Variants in RPTOR observed in about 807,000 individuals in gnomAD.
RPTOR encodes regulatory-associated protein of mTOR.
Under a neutral mutation model 169.9 loss-of-function variants are expected in RPTOR, and 21 were observed. The observed-to-expected ratio is 0.12, with a 90% CI of 0.09 to 0.18. The LOEUF (loss-of-function observed/expected upper bound fraction) is 0.18, where lower values mean the gene tolerates loss of function less well. Among genes scored for constraint, RPTOR ranks in the 10% least tolerant of loss-of-function variants. RPTOR has a pLI of 1.00. For synonymous variants in RPTOR, 732 were observed against 753.2 expected, an observed-to-expected ratio of 0.97 and a Z score of 0.46; for missense variants, 1,133 against 1,855.9, an observed-to-expected ratio of 0.61 and a Z score of 7.16.
At position 80,545,092 on chromosome 17, in the gene RPTOR, C is replaced by G. The variant is rs936781343; in HGVS notation, c.-538C>G. ...CGAGCACGATGGGCCGGTCGTGGCT[C>G]TGGTTGCAGCAGCTCAGACGAGTGC... On this transcript the variant is annotated 5_prime_UTR_variant, in exon 1 of 34. Coordinates refer to ENST00000306801, the MANE Select transcript of RPTOR (RefSeq NM_020761.3). The G allele has an allele frequency of 1.7e-5, 4 of 233,660 alleles. No individual in the cohort carries two copies. The highest frequency in any genetic ancestry group is 3.4e-5 in the Non-Finnish European group (4 of 118,152). 14.5% of individuals were successfully genotyped at this position (233,660 alleles called of 1,614,324 possible).
intron 3 of RPTOR, among the ~76,000 whole-genome samples, chr17:80,682,959 C>A (rs1486745828): frequency 3.3e-5 from 5 of 152,082 alleles, no homozygotes; most frequent in Middle Eastern, 3.4e-3. Flanking sequence ...TACCACTACA[C>A]CCAGCTAATT....
intron 4 of RPTOR, among the ~76,000 whole-genome samples, chr17:80,719,665 G>GTC: frequency 6.6e-6 from 1 of 152,148 alleles, no homozygotes; most frequent in East Asian, 1.9e-4. Context: ...CCTCCTGAAG[G>GTC]GGGTTCTTGA....
At position 80,545,905 on chromosome 17, in the gene RPTOR, G is replaced by A. The variant is rs937726994; in HGVS notation, c.162+114G>A. ...CGACATTTCCCCCTAGCCACACGTTGTAAGTCAACTAGAAAGCAAAAGCCA... is the reference window on the plus strand; with the variant it reads ...CGACATTTCCCCCTAGCCACACGTTATAAGTCAACTAGAAAGCAAAAGCCA... On this transcript the variant is annotated intron_variant, in intron 1 of 33. Transcript: ENST00000306801. 6 of 901,296 alleles carry A rather than the reference G, an allele frequency of 6.7e-6. No individual in the cohort carries two copies. In the Middle Eastern group the frequency reaches 7.2e-4, roughly 108 times the overall value. The allele number at this position is 901,296 out of a possible 1,614,324, so 55.8% of individuals were successfully genotyped here.
chr17:80,585,592 C>T (rs564252498), intron 1 of RPTOR, among the ~76,000 whole-genome samples: 175 of 152,298 alleles, frequency 1.1e-3, no homozygotes, highest in African/African-American at 3.7e-3. Flanking sequence ...CCCGGGCACA[C>T]GGTGCACAGC....
At chr17:80,800,117 C>T (rs1485250040) in intron 7 of RPTOR, among the ~76,000 whole-genome samples, 2 of 152,204 alleles carry the variant, frequency 1.3e-5, no homozygotes, top group Admixed American at 6.5e-5. Context: ...GGCACAGCAC[C>T]ACTTTCATGC....
Position 80,936,400 on chromosome 17 carries a change from A to G in RPTOR, c.2920-4096A>G, listed in dbSNP as rs1014785160. On this transcript the variant is annotated intron_variant, in intron 24 of 33. Coordinates refer to ENST00000306801, the MANE Select transcript of RPTOR (RefSeq NM_020761.3). The surrounding 1 kb of genome is among the most constrained non-coding windows in gnomAD (Gnocchi z 4.1). ...ATGTTCATTCAGAAACCTGTATGTG[A>G]ATGTTTATAGTGACTGTATTCATAG... Among the ~76,000 whole-genome samples, 5 of 152,248 alleles carry G rather than the reference A, an allele frequency of 3.3e-5. No individual in the cohort carries two copies. Among genetic ancestry groups the G allele is most frequent in the Non-Finnish European group, 7.3e-5 (5 of 68,044 alleles).
intron 13 of RPTOR, among the ~76,000 whole-genome samples, chr17:80,869,654 G>A (rs1424588115): frequency 6.6e-6 from 1 of 152,178 alleles, no homozygotes; most frequent in Non-Finnish European, 1.5e-5. Flanking sequence ...GGAGGAGTTT[G>A]ACTCCAGACT....
At position 80,781,321 on chromosome 17, in the gene RPTOR, T is replaced by C. The variant is rs2066939847; in HGVS notation, c.831-10129T>C. Reference sequence around the variant, plus strand: ...AAATTGGCAAATAGAATCTTCAGCTTTGCCTTCGGTTCCCTCATCGTAGGG... The same window carrying C: ...AAATTGGCAAATAGAATCTTCAGCTCTGCCTTCGGTTCCCTCATCGTAGGG... On this transcript the variant is annotated intron_variant, in intron 6 of 33. Coordinates refer to ENST00000306801, the MANE Select transcript of RPTOR (RefSeq NM_020761.3). 2.0e-5 allele frequency among the ~76,000 whole-genome samples: 3 copies of C among 152,192 alleles called. 1 individual carries two copies. In the South Asian group the frequency reaches 6.2e-4, roughly 32 times the overall value.
intron 5 of RPTOR, among the ~76,000 whole-genome samples, chr17:80,735,748 G>A (rs1452930902): frequency 6.6e-6 from 1 of 152,116 alleles, no homozygotes; most frequent in African/African-American, 2.4e-5. Flanking sequence ...AGTAAGTCTT[G>A]TTCTGCACAT....
chr17:80,925,635 CA>C (rs1294732299), intron 24 of RPTOR, among the ~76,000 whole-genome samples, 155 bp downstream of exon 24: 4 of 152,222 alleles, frequency 2.6e-5, no homozygotes, highest in African/African-American at 9.6e-5. Context: ...GCAGAAGAAA[CA>C]AACTTCACTT....
At chr17:80,691,840 T>C (rs768668407) in intron 3 of RPTOR, among the ~76,000 whole-genome samples, 30 of 152,304 alleles carry the variant, frequency 2.0e-4, no homozygotes, top group Non-Finnish European at 3.5e-4. Context: ...AAGGCGCTCT[T>C]ACACATCCAG....
At chr17:80,840,502 CGG>C (rs2067620690) in intron 10 of RPTOR, among the ~76,000 whole-genome samples, 1 of 141,946 alleles carries the variant, frequency 7.0e-6, no homozygotes, top group African/African-American at 2.6e-5. Context: ...TCTCACCACA[CGG>C]CAGCTCACAC....
intron 20 of RPTOR, among the ~76,000 whole-genome samples, chr17:80,898,026 T>C (rs1007225746): frequency 3.3e-5 from 5 of 152,238 alleles, no homozygotes; most frequent in African/African-American, 1.2e-4. Context: ...AAAGATGATG[T>C]GTTCTTTCGG....
Position 80,823,297 on chromosome 17 carries a change from G to A in RPTOR, c.1136+74G>A, listed in dbSNP as rs776225785. On this transcript the variant is annotated intron_variant, in intron 9 of 33. Transcript: ENST00000306801. This position sits in a 1 kb window ranked among gnomAD's most constrained non-coding sequence, Gnocchi z 4.5. The stretch of plus-strand genomic sequence containing the variant: ...GCACTGTGATGTCATGGAATTGCAC[G>A]GAGCTGGGCAGGGAGGCCCCACACC... The A allele has an allele frequency of 3.2e-5, 50 of 1,565,418 alleles. No individual in the cohort carries two copies. The highest frequency in any genetic ancestry group is 1.1e-4 in the African/African-American group (8 of 73,734).
At chr17:80,810,727 A>G (rs2067264493) in intron 7 of RPTOR, among the ~76,000 whole-genome samples, 1 of 152,254 alleles carries the variant, frequency 6.6e-6, no homozygotes, top group African/African-American at 2.4e-5. Flanking sequence ...GAGGAGAATT[A>G]CCATCCTAGT....
chr17:80,697,413 A>G (rs1194670784), intron 3 of RPTOR, among the ~76,000 whole-genome samples: 1 of 152,242 alleles, frequency 6.6e-6, no homozygotes, highest in South Asian at 2.1e-4. Context: ...TTCAGCCTTC[A>G]GGCTGTTATT....
rs1444087327 is a variant in RPTOR at position 80,749,565 on chromosome 17, C to T, written c.655-4445C>T. ...TGCGGTGTGTGTTTGGAGGCTGTGG[C>T]GGGAGGACCTGTTGGGTGGATGGAG... On this transcript the variant is annotated intron_variant, in intron 5 of 33. Coordinates refer to ENST00000306801, the MANE Select transcript of RPTOR (RefSeq NM_020761.3). Among the ~76,000 whole-genome samples the T allele has an allele frequency of 4.7e-5, 7 of 148,730 alleles. No individual in the cohort carries two copies. The East Asian group carries it at 9.9e-4, about 21-fold the overall frequency.
rs924423285 is a variant in RPTOR, at chr17:80,949,372, C to A, written c.3266-71C>A. The A allele has an allele frequency of 8.5e-6, 11 of 1,297,398 alleles. No homozygotes were observed. The Admixed American group carries it at 1.3e-4, about 16-fold the overall frequency. 80.4% of individuals were successfully genotyped at this position (1,297,398 alleles called of 1,614,324 possible). ...GCACGTCTGCCAGGAAGGGCTCTTACCACCACGCACAGAGCACAGGCCAGG... is the reference window on the plus strand; with the variant it reads ...GCACGTCTGCCAGGAAGGGCTCTTAACACCACGCACAGAGCACAGGCCAGG... On this transcript the variant is annotated intron_variant, in intron 27 of 33. Transcript: ENST00000306801.
intron 3 of RPTOR, among the ~76,000 whole-genome samples, chr17:80,662,189 C>G (rs542293548): frequency 6.6e-6 from 1 of 152,314 alleles, no homozygotes; most frequent in East Asian, 1.9e-4. Flanking sequence ...CCTCAGCCCC[C>G]TTTCCAGTCA....
Sources: gnomAD v4.1 joint callset for allele counts (sites outside exome capture counted in the v4.1 genomes callset) on GRCh38, gnomAD v4.1.1 for gene constraint, Gnocchi (gnomAD v3.1) non-coding constraint, MANE v1.5 for transcripts, NCBI Gene and HGNC (gene_info 2026-07-23, HGNC 2026-07-21) for gene names.